Variants in GC observed in about 807,000 individuals in gnomAD.
GC encodes the protein vitamin D-binding protein.
In GC, 43 loss-of-function variants were observed where a neutral mutation model predicts 56.7. That is an observed-to-expected ratio of 0.76 (90% CI 0.59 to 0.98). The LOEUF (loss-of-function observed/expected upper bound fraction) is 0.98, where lower values mean the gene tolerates loss of function less well. Ranked by LOEUF, GC falls within the 50% of genes least tolerant of loss-of-function variation. The pLI, the probability that GC is intolerant of heterozygous loss-of-function variation, is 0.00. For missense variants in GC, 529 were observed against 545.9 expected, an observed-to-expected ratio of 0.97 and a Z score of 0.31; for synonymous variants, 216 against 202.7, an observed-to-expected ratio of 1.07 and a Z score of -0.56.
intron 4 of GC, 82 bp from the exon 5 acceptor site, chr4:71,764,018 T>C: frequency 1.9e-6 from 2 of 1,079,792 alleles, no homozygotes; most frequent in East Asian, 2.4e-5. Context: ...TGTCTTGCCC[T>C]GTCATCTAGG....
intron 1 of GC, among the ~76,000 whole-genome samples, chr4:71,790,893 T>C (rs1290839126): frequency 1.3e-5 from 2 of 151,980 alleles, no homozygotes; most frequent in Non-Finnish European, 2.9e-5. Flanking sequence ...ATTAGGTATA[T>C]GTCCTAAAGC....
At chr4:71,760,311 C>T (rs1023386866) in intron 6 of GC, among the ~76,000 whole-genome samples, 3 of 151,882 alleles carry the variant, frequency 2.0e-5, no homozygotes, top group East Asian at 1.9e-4. Context: ...TTTGGCCTCC[C>T]AAAGTGCTGG....
chr4:71,795,201 C>T (rs1174365479), intron 1 of GC, among the ~76,000 whole-genome samples: 1 of 152,112 alleles, frequency 6.6e-6, no homozygotes, highest in East Asian at 1.9e-4. Context: ...GAGTTCAAGT[C>T]CTGAATATCT....
At chr4:71,782,159 TA>T (rs1223054719) in intron 1 of GC, among the ~76,000 whole-genome samples, 7 of 151,716 alleles carry the variant, frequency 4.6e-5, no homozygotes, top group South Asian at 4.1e-4. Context: ...AACAGGTGCT[TA>T]AATAAATGCT....
At chr4:71,802,545 CAAGTTGAAAATGTCAT>C (rs928126773) in intron 1 of GC, among the ~76,000 whole-genome samples, 29 of 152,278 alleles carry the variant, frequency 1.9e-4, no homozygotes, top group African/African-American at 6.5e-4. Context: ...AAACCCATTA[CAAGTTGAAAATGTCAT>C]AAGTTGAAAA....
At chr4:71,793,446 T>C (rs1694566000) in intron 1 of GC, among the ~76,000 whole-genome samples, 1 of 152,222 alleles carries the variant, frequency 6.6e-6, no homozygotes, top group African/African-American at 2.4e-5. Context: ...TCACTCATGA[T>C]TTGGCTCTCT....
intron 1 of GC, among the ~76,000 whole-genome samples, chr4:71,778,795 A>G (rs1422533355): frequency 6.6e-6 from 1 of 151,706 alleles, no homozygotes; most frequent in Admixed American, 6.6e-5. Flanking sequence ...GGTGATAGTG[A>G]GACCGCTGGC....
chr4:71,753,268 G>GT, intron 10 of GC, among the ~76,000 whole-genome samples: 1 of 152,124 alleles, frequency 6.6e-6, no homozygotes, highest in East Asian at 1.9e-4. Context: ...ACTCAGCCTG[G>GT]TTTTATGACT....
In GC at chr4:71,752,506, A is replaced by T; in HGVS notation, c.1395+12T>A. On this transcript the variant is annotated intron_variant, in intron 11 of 12. Coordinates refer to ENST00000273951, the MANE Select transcript of GC (RefSeq NM_000583.4). ...ATTCTGCCATGTTAAGTGGAGGGTTACATTTTCCTACCTCTGAATCACAGT... is the reference window on the plus strand; with the variant it reads ...ATTCTGCCATGTTAAGTGGAGGGTTTCATTTTCCTACCTCTGAATCACAGT... 1 of 1,606,806 alleles carries T rather than the reference A, an allele frequency of 6.2e-7. No individual in the cohort carries two copies. Among genetic ancestry groups the T allele is most frequent in the East Asian group, 2.2e-5 (1 of 44,710 alleles).
At chr4:71,754,385 G>A (rs1243915465) in intron 10 of GC, 26 bp downstream of exon 10, 1 of 1,020,362 alleles carries the variant, frequency 9.8e-7, no homozygotes, top group African/African-American at 1.6e-5. Context: ...TAAATTTGGA[G>A]GATACAGCCA....
chr4:71,754,534 C>A (rs1418180526), intron 9 of GC, 26 bp from the exon 10 acceptor site: 3 of 1,169,090 alleles, frequency 2.6e-6, no homozygotes, highest in Admixed American at 3.6e-5. Flanking sequence ...AATTGCATAA[C>A]AAAATTATTT....
intron 1 of GC, among the ~76,000 whole-genome samples, chr4:71,776,691 A>T (rs945828707): frequency 6.6e-6 from 1 of 151,952 alleles, no homozygotes; most frequent in African/African-American, 2.4e-5. Context: ...AGAGGAGTTC[A>T]TTGATGATTT....
Position 71,754,466 on chromosome 4 carries a change from C to T in GC, c.1207G>A (p.Gly403Arg). The T allele has an allele frequency of 6.3e-7, 1 of 1,592,502 alleles. No individual in the cohort carries two copies. Among genetic ancestry groups the T allele is most frequent in the Non-Finnish European group, 8.6e-7 (1 of 1,161,408 alleles). The change falls in exon 10 of 13, where the codon GGA (glycine) becomes AGA (arginine). Residue 403 changes from glycine to arginine, a missense_variant. Transcript: ENST00000273951. Reference sequence around the variant, plus strand: ...GAATAATCTGCACATAGTTCTTGTCCCTTGTCAATGAAAGAAGATAGTTCC... The same window carrying T: ...GAATAATCTGCACATAGTTCTTGTCTCTTGTCAATGAAAGAAGATAGTTCC... ...KKELSSFIDK[G>R]QELCADYSEN...
At chr4:71,796,343 T>C (rs535732315) in intron 1 of GC, among the ~76,000 whole-genome samples, 10 of 152,350 alleles carry the variant, frequency 6.6e-5, no homozygotes, top group African/African-American at 2.4e-4. Flanking sequence ...CCATATTTCT[T>C]GGAGGCTTTG....
chr4:71,794,578 T>A (rs780119684), intron 1 of GC, among the ~76,000 whole-genome samples: 1 of 152,194 alleles, frequency 6.6e-6, no homozygotes, highest in African/African-American at 2.4e-5. Flanking sequence ...TAGTGGTCTA[T>A]CAATTTTGTT....
chr4:71,766,704 T>A (rs1187120055), intron 3 of GC, among the ~76,000 whole-genome samples: 1 of 152,188 alleles, frequency 6.6e-6, no homozygotes, highest in Non-Finnish European at 1.5e-5. Context: ...CATCCTTTCA[T>A]CAGATTCGGA....
At chr4:71,761,659 T>A (rs1231786087) in intron 6 of GC, among the ~76,000 whole-genome samples, 1 of 152,052 alleles carries the variant, frequency 6.6e-6, no homozygotes, top group Non-Finnish European at 1.5e-5. Flanking sequence ...AGGCTCAGGG[T>A]TCCCGTGCTG....
At chr4:71,775,614 C>T (rs1001749290) in intron 1 of GC, among the ~76,000 whole-genome samples, 8 of 151,740 alleles carry the variant, frequency 5.3e-5, no homozygotes, top group South Asian at 2.1e-4. Context: ...TTGGACATGA[C>T]GCTGAAATTA....
rs761456392 is a variant in GC, at chr4:71,758,062, C to G, written c.811G>C (p.Glu271Gln). 39 of 1,613,294 alleles carry G rather than the reference C, an allele frequency of 2.4e-5. No homozygotes were observed. The highest frequency in any genetic ancestry group is 3.1e-5 in the Non-Finnish European group (37 of 1,179,560). Reference sequence around the variant, plus strand: ...CTTACCTCTTTGGCCATGCAATCTTCAGAGGCAGACTCACAGCATTTGGAG... The same window carrying G: ...CTTACCTCTTTGGCCATGCAATCTTGAGAGGCAGACTCACAGCATTTGGAG... ...ILSKCCESASEDCMAKELPEH... is the reference protein window; with the variant it reads ...ILSKCCESASQDCMAKELPEH... Residue 271 changes from glutamate to glutamine, a missense_variant, in exon 7 of 13, where the codon GAA becomes CAA. Physicochemically the swap from Glu to Gln is conservative, Grantham distance 29. Transcript: ENST00000273951.
Sources: gnomAD v4.1 joint callset for allele counts (sites outside exome capture counted in the v4.1 genomes callset) on GRCh38, gnomAD v4.1.1 for gene constraint, MANE v1.5 for transcripts, NCBI Gene and HGNC (gene_info 2026-07-23, HGNC 2026-07-21) for gene names.